The following LAMA2 variants were observed in gnomAD, a reference collection of about 807,000 sequenced individuals.
LAMA2 encodes laminin subunit alpha 2.
A neutral mutation model predicts 364.8 loss-of-function variants in LAMA2; 269 were observed. The observed-to-expected ratio is 0.74, with a 90% CI of 0.67 to 0.82. LAMA2 has a LOEUF of 0.82. Ranked by LOEUF, LAMA2 falls within the 40% of genes least tolerant of loss-of-function variation. LAMA2 has a pLI of 0.00. For missense variants in LAMA2, 3,807 were observed against 3,873.2 expected (o/e 0.98, Z 0.45); for synonymous variants, 1,379 against 1,370.6 (o/e 1.01, Z -0.14).
intron 31 of LAMA2, among the ~76,000 whole-genome samples, chr6:129,351,996 G>T (rs959874139): frequency 6.6e-6 from 1 of 152,146 alleles, no homozygotes; most frequent in Non-Finnish European, 1.5e-5. Context: ...GCTAAAGATG[G>T]TCTATGATTA....
intron 51 of LAMA2, among the ~76,000 whole-genome samples, chr6:129,467,533 A>G (rs1049592387): frequency 2.0e-5 from 3 of 151,930 alleles, no homozygotes; most frequent in African/African-American, 7.2e-5. Flanking sequence ...AAATAAAAAT[A>G]AAGACATTCG....
chr6:129,395,025 A>G (rs1779528247), intron 37 of LAMA2, among the ~76,000 whole-genome samples: 1 of 152,232 alleles, frequency 6.6e-6, no homozygotes, highest in Admixed American at 6.5e-5. Flanking sequence ...CTTAAACCAA[A>G]TAAATAATTT....
chr6:129,387,156 G>A (rs1161991484), intron 35 of LAMA2, among the ~76,000 whole-genome samples: 1 of 151,784 alleles, frequency 6.6e-6, no homozygotes, highest in African/African-American at 2.4e-5. Flanking sequence ...TTATTCTCAT[G>A]TTTTTATTTT....
Position 128,929,354 on chromosome 6 carries a change from C to A in LAMA2, c.112+45997C>A, listed in dbSNP as rs1178484669. ...ACACGGCCCAAAGACTGGGGTGAGA[C>A]CTCGAGAGAATACAAAGAAGTTCAT... On this transcript the variant is annotated intron_variant, in intron 1 of 64. Coordinates refer to ENST00000421865, the MANE Select transcript of LAMA2 (RefSeq NM_000426.4). 36 of 1,080,070 alleles carry A rather than the reference C, an allele frequency of 3.3e-5. 1 individual carries two copies. In the South Asian group the frequency reaches 4.5e-4, roughly 13 times the overall value. The allele number at this position is 1,080,070 out of a possible 1,614,324, so 66.9% of individuals were successfully genotyped here. A position where few individuals can be genotyped will look rare whatever the true frequency, so the allele number is the denominator to read the frequency against.
At chr6:129,147,094 G>T (rs1242750357) in intron 6 of LAMA2, 46 bp downstream of exon 6, 1 of 1,210,528 alleles carries the variant, frequency 8.3e-7, no homozygotes, top group South Asian at 1.2e-5. Context: ...GCCCTGAGCT[G>T]TAAAATGTTT....
At chr6:129,286,371 G>T (rs1789122979) in intron 18 of LAMA2, among the ~76,000 whole-genome samples, 1 of 150,912 alleles carries the variant, frequency 6.6e-6, no homozygotes, top group African/African-American at 2.4e-5. Context: ...TGAAAGAGAA[G>T]ACAGAGCAGA....
At position 129,438,727 on chromosome 6, in the gene LAMA2, A is replaced by G; in HGVS notation, c.6050A>G (p.Asn2017Ser). 6.2e-7 allele frequency: 1 copy of G among 1,604,966 alleles called. No homozygotes were observed. The highest frequency in any genetic ancestry group is 8.5e-7 in the Non-Finnish European group (1 of 1,172,030). ...AATGGGGATCTCTTGAGAACTTTGAATGACACTTTGGGAAAGTTATCAGCT... is the reference window on the plus strand; with the variant it reads ...AATGGGGATCTCTTGAGAACTTTGAGTGACACTTTGGGAAAGTTATCAGCT... ...ARNGDLLRTLNDTLGKLSAIP... is the reference protein window; with the variant it reads ...ARNGDLLRTLSDTLGKLSAIP... Residue 2017 changes from asparagine (N) to serine (S), a missense_variant, in exon 42 of 65, where the codon AAT becomes AGT. Physicochemically the swap from Asn to Ser is conservative, Grantham distance 46. Around this residue, in one of 3 missense-constraint regions of LAMA2, gnomAD observed 3,333 missense variants for 3,345.7 expected, o/e 1.00. Coordinates refer to ENST00000421865, the MANE Select transcript of LAMA2 (RefSeq NM_000426.4).
At chr6:129,325,234 A>G (rs1775202740) in intron 28 of LAMA2, among the ~76,000 whole-genome samples, 1 of 152,238 alleles carries the variant, frequency 6.6e-6, no homozygotes, top group Non-Finnish European at 1.5e-5. Flanking sequence ...AAATTGAGCC[A>G]TGAATAATTT....
chr6:129,066,859 G>A (rs762945264), intron 3 of LAMA2, among the ~76,000 whole-genome samples: 1 of 152,208 alleles, frequency 6.6e-6, no homozygotes, highest in Admixed American at 6.5e-5. Context: ...GTTTGGAGCA[G>A]TAGATGTCCA....
chr6:128,929,438 AG>A, intron 1 of LAMA2: 1 of 845,156 alleles, frequency 1.2e-6, no homozygotes, highest in East Asian at 2.4e-5. Context: ...TTGGAGAAGG[AG>A]TGGACGGTGA....
intron 3 of LAMA2, among the ~76,000 whole-genome samples, chr6:129,089,820 T>G (rs1394365022): frequency 6.6e-6 from 1 of 152,204 alleles, no homozygotes; most frequent in Non-Finnish European, 1.5e-5. Flanking sequence ...CCTTATTCAT[T>G]CCAATTTGGA....
intron 1 of LAMA2, chr6:128,905,300 G>T (rs1439452131): frequency 1.3e-5 from 2 of 151,354 alleles, no homozygotes. Flanking sequence ...GTGGATATGT[G>T]TAATAAAATT....
At chr6:129,101,385 T>C (rs1386013787) in intron 4 of LAMA2, among the ~76,000 whole-genome samples, 1 of 152,244 alleles carries the variant, frequency 6.6e-6, no homozygotes, top group Non-Finnish European at 1.5e-5. Flanking sequence ...GATGTAGAAT[T>C]CTAGGTTTGC....
chr6:129,421,351 A>G (rs1781063982), intron 40 of LAMA2, among the ~76,000 whole-genome samples: 1 of 151,818 alleles, frequency 6.6e-6, no homozygotes, highest in East Asian at 1.9e-4. Flanking sequence ...ATATATATGT[A>G]CACAGACTCA....
At chr6:128,993,483 T>G (rs770868072) in intron 1 of LAMA2, among the ~76,000 whole-genome samples, 7 of 152,180 alleles carry the variant, frequency 4.6e-5, no homozygotes, top group Non-Finnish European at 7.4e-5. Flanking sequence ...ACAGGCTAGT[T>G]GTACATTTCT....
intron 49 of LAMA2, among the ~76,000 whole-genome samples, chr6:129,462,196 T>C (rs1783286286): frequency 6.6e-6 from 1 of 152,034 alleles, no homozygotes; most frequent in Non-Finnish European, 1.5e-5. Context: ...GGGAGAATGA[T>C]TCGGGTAAGA....
chr6:129,462,814 A>G (rs1429627028), intron 49 of LAMA2, among the ~76,000 whole-genome samples: 1 of 152,000 alleles, frequency 6.6e-6, no homozygotes, highest in Non-Finnish European at 1.5e-5. Context: ...ATAAAGAGCA[A>G]TCATTCCTAC....
At chr6:129,386,028 A>G (rs966801937) in intron 35 of LAMA2, among the ~76,000 whole-genome samples, 2 of 152,012 alleles carry the variant, frequency 1.3e-5, no homozygotes, top group Non-Finnish European at 2.9e-5. Flanking sequence ...ATTGAACGTT[A>G]TGGCATGGTT....
At chr6:128,905,959 T>G (rs1234079213) in intron 1 of LAMA2, among the ~76,000 whole-genome samples, 9 of 151,690 alleles carry the variant, frequency 5.9e-5, no homozygotes, top group Admixed American at 3.3e-4. Context: ...ACAAAGGACA[T>G]GAACTCATCA....
Sources: allele counts gnomAD v4.1 joint callset (sites outside exome capture counted in the v4.1 genomes callset), GRCh38; gene constraint gnomAD v4.1.1; regional missense constraint gnomAD v4.1.1; transcripts MANE v1.5; gene names NCBI Gene and HGNC (gene_info 2026-07-23, HGNC 2026-07-21).